Variants in SCAPER observed in about 807,000 individuals in gnomAD.
SCAPER encodes the protein S phase cyclin A-associated protein in the endoplasmic reticulum.
A neutral mutation model predicts 182.2 loss-of-function variants in SCAPER; 98 were observed. The observed-to-expected ratio is 0.54, with a 90% CI of 0.46 to 0.64. The LOEUF is 0.64. Among genes scored for constraint, SCAPER ranks in the 30% least tolerant of loss-of-function variants. The pLI, the probability that SCAPER is intolerant of heterozygous loss-of-function variation, is 0.00. For missense variants in SCAPER, 1,432 were observed against 1,690.0 expected, an observed-to-expected ratio of 0.85 and a Z score of 2.68; for synonymous variants, 605 against 564.6, an observed-to-expected ratio of 1.07 and a Z score of -1.01.
intron 20 of SCAPER, among the ~76,000 whole-genome samples, chr15:76,696,158 C>G (rs1264424740): frequency 6.6e-6 from 1 of 152,094 alleles, no homozygotes; most frequent in African/African-American, 2.4e-5. Context: ...CTTTTATTTC[C>G]CAGACTACCA....
At chr15:76,603,327 CA>C (rs1350271393) in intron 22 of SCAPER, among the ~76,000 whole-genome samples, 1 of 120,014 alleles carries the variant, frequency 8.3e-6, no homozygotes, top group African/African-American at 2.5e-5. Flanking sequence ...TGATGATTTC[CA>C]ATTTCATCCA....
At chr15:76,631,720 T>C (rs756906737) in intron 21 of SCAPER, among the ~76,000 whole-genome samples, 12 of 152,128 alleles carry the variant, frequency 7.9e-5, no homozygotes, top group Non-Finnish European at 1.6e-4. Context: ...CCTTAACATA[T>C]TTTCCTTTAC....
intron 16 of SCAPER, among the ~76,000 whole-genome samples, chr15:76,729,325 C>T (rs947322645): frequency 6.5e-4 from 97 of 150,020 alleles, no homozygotes; most frequent in African/African-American, 2.2e-3. Flanking sequence ...CACACACACA[C>T]ATATACATAT....
chr15:76,423,619 T>C (rs1332249447), intron 26 of SCAPER, among the ~76,000 whole-genome samples: 1 of 152,198 alleles, frequency 6.6e-6, no homozygotes, highest in Non-Finnish European at 1.5e-5. Context: ...CTCCATCTCC[T>C]TCAGTTCTGC....
At chr15:76,387,948 C>T (rs1437924182) in intron 27 of SCAPER, among the ~76,000 whole-genome samples, 1 of 152,188 alleles carries the variant, frequency 6.6e-6, no homozygotes. Flanking sequence ...GAAAACAGCA[C>T]TGCTTGATCA....
intron 26 of SCAPER, among the ~76,000 whole-genome samples, chr15:76,431,945 T>C (rs1190847081): frequency 1.3e-5 from 2 of 152,126 alleles, no homozygotes; most frequent in Admixed American, 1.3e-4. Flanking sequence ...AGGAAGGTAT[T>C]AGGGGAAAAA....
chr15:76,897,092 A>G (rs1386806812), intron 1 of SCAPER, among the ~76,000 whole-genome samples: 1 of 152,254 alleles, frequency 6.6e-6, no homozygotes, highest in African/African-American at 2.4e-5. Flanking sequence ...CTATAAAACA[A>G]GAGTAAAAAT....
At chr15:76,713,616 C>G (rs943217135) in intron 17 of SCAPER, among the ~76,000 whole-genome samples, 6 of 150,962 alleles carry the variant, frequency 4.0e-5, no homozygotes, top group African/African-American at 7.4e-5. Flanking sequence ...ACATCACACT[C>G]TGGGGACTGT....
chr15:76,608,587 TTTTG>T (rs1207935152), intron 22 of SCAPER, among the ~76,000 whole-genome samples: 1 of 152,084 alleles, frequency 6.6e-6, no homozygotes, highest in Non-Finnish European at 1.5e-5. Context: ...ACTGCTATCT[TTTTG>T]TTTGTCTGTG....
intron 21 of SCAPER, among the ~76,000 whole-genome samples, chr15:76,656,951 G>A (rs539902614): frequency 3.6e-4 from 55 of 152,208 alleles, no homozygotes; most frequent in Middle Eastern, 3.4e-3. Context: ...ATCTTAGAAA[G>A]ATCTCAAATT....
intron 22 of SCAPER, among the ~76,000 whole-genome samples, chr15:76,598,132 G>A (rs1395884422): frequency 8.3e-6 from 1 of 119,862 alleles, no homozygotes; most frequent in Non-Finnish European, 2.0e-5. Context: ...CCATCAAAAA[G>A]TGGGTGATGG....
intron 23 of SCAPER, among the ~76,000 whole-genome samples, chr15:76,507,827 G>A (rs2041723489): frequency 2.6e-5 from 4 of 152,052 alleles, no homozygotes; most frequent in Admixed American, 2.6e-4. Flanking sequence ...ATCAAAACCT[G>A]CAAAATCCAG....
At chr15:76,877,357 T>C (rs1216011534) in intron 2 of SCAPER, among the ~76,000 whole-genome samples, 1 of 152,164 alleles carries the variant, frequency 6.6e-6, no homozygotes, top group East Asian at 1.9e-4. Context: ...AATGTAAGCA[T>C]TTTCCTCACA....
chr15:76,432,129 A>G (rs372633853), intron 26 of SCAPER, among the ~76,000 whole-genome samples: 22 of 152,344 alleles, frequency 1.4e-4, no homozygotes, highest in African/African-American at 5.3e-4. Context: ...ACAAGCATGC[A>G]GGGTTGCTGC....
chr15:76,349,810 T>G (rs2141610941), intron 31 of SCAPER: 1 of 151,828 alleles, frequency 6.6e-6, no homozygotes, highest in African/African-American at 2.4e-5. Context: ...GATGGTCCCT[T>G]GGAAAAGAAA....
intron 21 of SCAPER, among the ~76,000 whole-genome samples, chr15:76,660,622 A>C (rs1018647884): frequency 6.6e-6 from 1 of 152,170 alleles, no homozygotes; most frequent in Non-Finnish European, 1.5e-5. Flanking sequence ...AAAAAAATAA[A>C]AACAAAAACA....
intron 18 of SCAPER, 137 bp from the exon 19 acceptor site, chr15:76,703,139 G>C: frequency 3.3e-6 from 3 of 898,758 alleles, no homozygotes; most frequent in Non-Finnish European, 4.8e-6. Flanking sequence ...TGAAGACAAA[G>C]CTTTACACAA....
rs1427610588 is a variant in SCAPER, at chr15:76,504,414, C to T, written c.2954+445G>A. 2.0e-5 allele frequency among the ~76,000 whole-genome samples: 3 copies of T among 152,220 alleles called. No homozygotes were observed. In the East Asian group the frequency reaches 5.8e-4, roughly 29 times the overall value. Reference sequence around the variant, plus strand: ...AGTTCCCAGCAATTTGGCTGGGATGCTAGACTATGGCACTCTTCGCCTCTG... The same window carrying T: ...AGTTCCCAGCAATTTGGCTGGGATGTTAGACTATGGCACTCTTCGCCTCTG... On this transcript the variant is annotated intron_variant, in intron 24 of 31. Transcript: ENST00000563290.
At chr15:76,745,308 G>A (rs2061736752) in intron 15 of SCAPER, among the ~76,000 whole-genome samples, 1 of 152,086 alleles carries the variant, frequency 6.6e-6, no homozygotes, top group South Asian at 2.1e-4. Flanking sequence ...AATTAGCCAG[G>A]CGTGGTGGCG....
Sources: gnomAD v4.1 joint callset for allele counts (sites outside exome capture counted in the v4.1 genomes callset) on GRCh38, gnomAD v4.1.1 for gene constraint, MANE v1.5 for transcripts, NCBI Gene and HGNC (gene_info 2026-07-23, HGNC 2026-07-21) for gene names.